RBCK1: variants seen among roughly 807,000 people sequenced by gnomAD.
RBCK1 encodes RANBP2-type and C3HC4-type zinc finger containing 1.
In RBCK1, 44 loss-of-function variants were observed where a neutral mutation model predicts 71.1. The ratio of observed to expected loss-of-function variants is 0.62; its 90% CI spans 0.49 to 0.80. The LOEUF (loss-of-function observed/expected upper bound fraction) is 0.80, where lower values mean the gene tolerates loss of function less well. Ranked by LOEUF, RBCK1 falls within the 30% of genes least tolerant of loss-of-function variation. The probability of loss-of-function intolerance (pLI) is 0.00; values close to 1 mark genes in which losing one functional copy is unlikely to be tolerated. For missense variants in RBCK1, 569 were observed against 685.0 expected (o/e 0.83, Z 1.89); for synonymous variants, 306 against 279.7 (o/e 1.09, Z -0.94).
chr20:422,145 C>T lies in RBCK1; in HGVS notation c.936C>T (p.Thr312=), dbSNP rs766154791. 8.7e-6 allele frequency: 14 copies of T among 1,612,424 alleles called. No homozygotes were observed. The highest frequency in any genetic ancestry group is 1.2e-5 in the Non-Finnish European group (14 of 1,179,814). The change falls in exon 8 of 12, where the codon ACC becomes ACT. Residue 312 remains threonine (T), a synonymous_variant. Transcript: ENST00000356286. This position sits in a 1 kb window ranked among gnomAD's most constrained non-coding sequence, Gnocchi z 5.0. ...HTFCRECLQG[T]IRNSQEAEVS... ...CCCCTAGGGAGTGCCTGCAGGGCAC[C>T]ATCCGCAACAGCCAGGAGGCGGAGG...
intron 8 of RBCK1, among the ~76,000 whole-genome samples, chr20:423,828 C>T (rs370699351): frequency 1.4e-4 from 22 of 152,144 alleles, no homozygotes; most frequent in African/African-American, 4.1e-4. Context: ...GTGGGTCAGC[C>T]GCGGTGGCCT....
chr20:420,453 C>G lies in RBCK1; in HGVS notation c.757-418C>G, dbSNP rs546752788. 235 of 950,124 alleles carry G rather than the reference C, an allele frequency of 2.5e-4. No individual in the cohort carries two copies. In the African/African-American group the frequency reaches 4.6e-3, roughly 18 times the overall value. The allele number at this position is 950,124 out of a possible 1,614,324, so 58.9% of individuals were successfully genotyped here. A position where few individuals can be genotyped will look rare whatever the true frequency, so the allele number is the denominator to read the frequency against. Reference sequence around the variant, plus strand: ...GCTCCTCGGCTTCGTCACTTCCCCACCCCTGACGTTGAGTGGCTCCACCAG... The same window carrying G: ...GCTCCTCGGCTTCGTCACTTCCCCAGCCCTGACGTTGAGTGGCTCCACCAG... On this transcript the variant is annotated intron_variant, in intron 6 of 11. Transcript: ENST00000356286.
At chr20:409,748 A>G in intron 1 of RBCK1, 133 bp from the exon 2 acceptor site, 1 of 1,365,654 alleles carries the variant, frequency 7.3e-7, no homozygotes, top group Non-Finnish European at 9.9e-7. Flanking sequence ...TGGGTGCTGA[A>G]GGATACGTAG....
At position 417,585 on chromosome 20, in the gene RBCK1, G is replaced by C. The variant is rs772407882; in HGVS notation, c.227G>C (p.Arg76Pro). ...MHTVTIWLTV[R>P]PDMTVASLKD... ...ACCGTCACCATCTGGCTCACAGTGC[G>C]CCCTGATATGACAGTGGCGTCTCTC... The change falls in exon 3 of 12, where the codon CGC becomes CCC. Residue 76 changes from arginine (R) to proline (P), a missense_variant. Arg to Pro is a moderately radical substitution (Grantham distance 103, BLOSUM62 -2). This residue lies in a region of RBCK1 where 358 missense variants were observed against 375.6 expected (regional missense o/e 0.95). Transcript: ENST00000356286. The surrounding 1 kb of genome is among the most constrained non-coding windows in gnomAD (Gnocchi z 4.7). The C allele has an allele frequency of 2.5e-6, 4 of 1,613,994 alleles. No individual in the cohort carries two copies. The highest frequency in any genetic ancestry group is 1.7e-6 in the Non-Finnish European group (2 of 1,179,986).
In RBCK1 at chr20:417,585, G is replaced by A. The variant is rs772407882; in HGVS notation, c.227G>A (p.Arg76His). 57 of 1,613,876 alleles carry A rather than the reference G, an allele frequency of 3.5e-5. No individual in the cohort carries two copies. Among genetic ancestry groups the A allele is most frequent in the East Asian group, 4.5e-5 (2 of 44,902 alleles). The change falls in exon 3 of 12, where the codon CGC (arginine) becomes CAC (histidine). Residue 76 changes from arginine (R) to histidine (H), a missense_variant. Physicochemically the swap from Arg to His is conservative, Grantham distance 29. Transcript: ENST00000356286. The surrounding 1 kb of genome is among the most constrained non-coding windows in gnomAD (Gnocchi z 4.7). ...MHTVTIWLTV[R>H]PDMTVASLKD... ...ACCGTCACCATCTGGCTCACAGTGCGCCCTGATATGACAGTGGCGTCTCTC... is the reference window on the plus strand; with the variant it reads ...ACCGTCACCATCTGGCTCACAGTGCACCCTGATATGACAGTGGCGTCTCTC...
At position 428,981 on chromosome 20, in the gene RBCK1, T is replaced by G. The variant is rs201943000; in HGVS notation, c.1339T>G (p.Cys447Gly). The G allele has an allele frequency of 6.2e-7, 1 of 1,611,166 alleles. No individual in the cohort carries two copies. Among genetic ancestry groups the G allele is most frequent in the Non-Finnish European group, 8.5e-7 (1 of 1,179,866 alleles). Residue 447 changes from cysteine to glycine, a missense_variant, in exon 11 of 12, where the codon TGC becomes GGC. By Grantham distance (159) the Cys-to-Gly change is radical (BLOSUM62 -3). This residue lies in a region of RBCK1 where 211 missense variants were observed against 309.4 expected (regional missense o/e 0.68). Transcript: ENST00000356286. The surrounding 1 kb of genome is among the most constrained non-coding windows in gnomAD (Gnocchi z 5.7). ...VMLQQGEAMR[C>G]PQCQIVVQKK... ...GCTGCAGCAGGGCGAGGCCATGCGC[T>G]GCCCCCAGTGCCAGATCGTGGTACA...
chr20:420,169 TC>T (rs1245264819), intron 6 of RBCK1: 1 of 984,936 alleles, frequency 1.0e-6, no homozygotes, highest in Non-Finnish European at 1.2e-6. Flanking sequence ...ACTCTCCTAC[TC>T]CTGACCTCTT....
intron 2 of RBCK1, chr20:410,295 A>T: frequency 1.5e-6 from 1 of 669,032 alleles, no homozygotes. Flanking sequence ...AACAGAAGAA[A>T]ACGGAACAGT....
chr20:422,049 G>C lies in RBCK1; in HGVS notation c.918-78G>C. 2.6e-6 allele frequency: 3 copies of C among 1,151,116 alleles called. No homozygotes were observed. Among genetic ancestry groups the C allele is most frequent in the Non-Finnish European group, 3.8e-6 (3 of 783,140 alleles). 71.3% of individuals were successfully genotyped at this position (1,151,116 alleles called of 1,614,324 possible). On this transcript the variant is annotated intron_variant, in intron 7 of 11. Coordinates refer to ENST00000356286, the MANE Select transcript of RBCK1 (RefSeq NM_031229.4). The surrounding 1 kb of genome is among the most constrained non-coding windows in gnomAD (Gnocchi z 5.0). ...GACTGAGTGAGGCCCCTGGGGTCAG[G>C]CCTTGCCATGTGAGGGATGGAGTCC... is the stretch of plus-strand genomic sequence containing the variant.
chr20:413,145 T>G (rs762902250), intron 2 of RBCK1, among the ~76,000 whole-genome samples: 1 of 152,230 alleles, frequency 6.6e-6, no homozygotes, highest in African/African-American at 2.4e-5. Flanking sequence ...AACTATAATA[T>G]ATATCTGCCC....
intron 6 of RBCK1, chr20:420,076 G>A (rs926980357): frequency 1.0e-6 from 1 of 983,262 alleles, no homozygotes. Flanking sequence ...CAGCACCCTA[G>A]CCATGACCAC....
chr20:419,403 C>T lies in RBCK1; in HGVS notation c.517C>T (p.Pro173Ser). Residue 173 changes from proline (P) to serine (S), a missense_variant, in exon 5 of 12, where the codon CCA becomes TCA. By Grantham distance (74) the Pro-to-Ser change is moderately conservative. Around this residue, in one of 2 missense-constraint regions of RBCK1, gnomAD observed 358 missense variants for 375.6 expected, o/e 0.95. Transcript: ENST00000356286. ...GCGGGGCCCTCTGGAGCCAGGCCCC[C>T]CAAAGCCCGGGGTCCCCCAGGAACC... ...QPRGPLEPGP[P>S]KPGVPQEPGR... 6.2e-7 allele frequency: 1 copy of T among 1,612,028 alleles called. No homozygotes were observed. The highest frequency in any genetic ancestry group is 8.5e-7 in the Non-Finnish European group (1 of 1,179,428).
intron 8 of RBCK1, among the ~76,000 whole-genome samples, chr20:426,363 C>T (rs1469900703): frequency 6.6e-6 from 1 of 152,250 alleles, no homozygotes; most frequent in Non-Finnish European, 1.5e-5. Context: ...CTACCCTTTG[C>T]AGCCTCTGGT....
Position 419,467 on chromosome 20 carries a change from C to A in RBCK1, c.581C>A (p.Pro194Gln). 1 of 1,605,798 alleles carries A rather than the reference C, an allele frequency of 6.2e-7. No individual in the cohort carries two copies. The highest frequency in any genetic ancestry group is 1.3e-5 in the African/African-American group (1 of 74,874). ...GQPDAVPEPP[P>Q]VGWQCPGCTF... ...CCAGATGCAGTGCCTGAGCCCCCACCGGTAAGCTGTCCTTGGCCTCAGTAT... is the reference window on the plus strand; with the variant it reads ...CCAGATGCAGTGCCTGAGCCCCCACAGGTAAGCTGTCCTTGGCCTCAGTAT... The change falls in exon 5 of 12, where the codon CCG becomes CAG. Residue 194 changes from proline (P) to glutamine (Q), a missense_variant and splice_region_variant. By Grantham distance (76) the Pro-to-Gln change is moderately conservative. Around this residue, in one of 2 missense-constraint regions of RBCK1, gnomAD observed 358 missense variants for 375.6 expected, o/e 0.95. Transcript: ENST00000356286.
At chr20:408,806 G>C in intron 1 of RBCK1, 27 bp downstream of exon 1, 1 of 1,605,352 alleles carries the variant, frequency 6.2e-7, no homozygotes, top group Non-Finnish European at 8.5e-7. Context: ...GGTGGCTGGG[G>C]AACTTCCGGT....
intron 2 of RBCK1, among the ~76,000 whole-genome samples, chr20:411,273 C>T (rs1039286383): frequency 2.0e-5 from 3 of 151,904 alleles, no homozygotes; most frequent in Admixed American, 1.3e-4. Flanking sequence ...GTGCCATCAT[C>T]GCTCACTACA....
intron 4 of RBCK1, among the ~76,000 whole-genome samples, chr20:418,419 A>G (rs1168377920): frequency 6.6e-6 from 1 of 151,800 alleles, no homozygotes; most frequent in African/African-American, 2.4e-5. Context: ...CCCAGGCTGG[A>G]GTGCAGTGGC....
chr20:419,546 C>G lies in RBCK1; in HGVS notation c.583-12C>G. 1 of 1,606,766 alleles carries G rather than the reference C, an allele frequency of 6.2e-7. No individual in the cohort carries two copies. Among genetic ancestry groups the G allele is most frequent in the African/African-American group, 1.3e-5 (1 of 74,944 alleles). On this transcript the variant is annotated splice_polypyrimidine_tract_variant and intron_variant, in intron 5 of 11. Coordinates refer to ENST00000356286, the MANE Select transcript of RBCK1 (RefSeq NM_031229.4). ...CCTGCCCAGTCGGGCTCACAGCACC[C>G]TCTGCTCCCAGGTGGGCTGGCAGTG...
Position 408,359 on chromosome 20 carries a change from G to C in RBCK1, c.-399G>C, listed in dbSNP as rs2015490403. The C allele has an allele frequency of 6.6e-6, 2 of 305,334 alleles. No homozygotes were observed. Among genetic ancestry groups the C allele is most frequent in the African/African-American group, 2.2e-5 (1 of 45,068 alleles). The allele number at this position is 305,334 out of a possible 1,614,324, so 18.9% of individuals were successfully genotyped here. Reference sequence around the variant, plus strand: ...TGCGAAGAACTGGGGCCTCCCGGGAGGAGAGAGGGCTTTGCCTTGAAACCC... The same window carrying C: ...TGCGAAGAACTGGGGCCTCCCGGGACGAGAGAGGGCTTTGCCTTGAAACCC... On this transcript the variant is annotated 5_prime_UTR_variant, in exon 1 of 12. Transcript: ENST00000356286.
Sources: allele counts gnomAD v4.1 joint callset (sites outside exome capture counted in the v4.1 genomes callset), GRCh38; gene constraint gnomAD v4.1.1; regional missense constraint gnomAD v4.1.1; non-coding constraint Gnocchi (gnomAD v3.1); transcripts MANE v1.5; gene names NCBI Gene and HGNC (gene_info 2026-07-23, HGNC 2026-07-21).